The following PIK3CB variants were observed in gnomAD, a reference collection of about 807,000 sequenced individuals.
PIK3CB encodes the protein phosphatidylinositol-4,5-bisphosphate 3-kinase catalytic subunit beta, also known as phosphatidylinositol 4,5-bisphosphate 3-kinase catalytic subunit beta isoform.
PIK3CB carries 39 observed loss-of-function variants against 136.8 expected under a neutral mutation model. The ratio of observed to expected loss-of-function variants is 0.29; its 90% CI spans 0.22 to 0.37. PIK3CB has a LOEUF of 0.37. Among genes scored for constraint, PIK3CB ranks in the 10% least tolerant of loss-of-function variants. The probability of loss-of-function intolerance (pLI) is 1.00; values close to 1 mark genes in which losing one functional copy is unlikely to be tolerated. For missense variants in PIK3CB, 868 were observed against 1,275.4 expected, an observed-to-expected ratio of 0.68 and a Z score of 4.87; for synonymous variants, 428 against 436.6, an observed-to-expected ratio of 0.98 and a Z score of 0.25.
intron 10 of PIK3CB, chr3:138,707,530 C>T: frequency 8.0e-7 from 1 of 1,248,346 alleles, no homozygotes; most frequent in Non-Finnish European, 1.0e-6. Flanking sequence ...ACTACTTTAC[C>T]TCTTAATTCA....
At chr3:138,757,539 G>T (rs1427132781) in intron 3 of PIK3CB, among the ~76,000 whole-genome samples, 1 of 141,194 alleles carries the variant, frequency 7.1e-6, no homozygotes, top group Non-Finnish European at 1.5e-5. Flanking sequence ...TGGCAAACAA[G>T]ATCGTATCTC....
chr3:138,742,300 C>T (rs1186839344), intron 5 of PIK3CB, among the ~76,000 whole-genome samples: 1 of 152,106 alleles, frequency 6.6e-6, no homozygotes. Flanking sequence ...CCCTTTAAAA[C>T]TGTAAAAACC....
rs1172688851 is a variant in PIK3CB, at chr3:138,759,295, T to C, written c.49A>G (p.Ile17Val). 1 of 1,612,278 alleles carries C rather than the reference T, an allele frequency of 6.2e-7. No homozygotes were observed. The highest frequency in any genetic ancestry group is 8.5e-7 in the Non-Finnish European group (1 of 1,178,568). ...GCTATCTGTGAATCCACCGCCCAGA[T>C]GTCAAGGATGTCTGCCATAGCAGGA... ...MPPAMADILD[I>V]WAVDSQIASD... is the part of the protein sequence containing the mutation. The change falls in exon 3 of 24, where the codon ATC becomes GTC. Residue 17 changes from isoleucine (I) to valine (V), a missense_variant. Ile to Val is a conservative substitution (Grantham distance 29). Coordinates refer to ENST00000674063, the MANE Select transcript of PIK3CB (RefSeq NM_006219.3).
intron 1 of PIK3CB, among the ~76,000 whole-genome samples, chr3:138,821,777 T>C (rs1933572907): frequency 1.3e-5 from 2 of 151,692 alleles, no homozygotes. Flanking sequence ...AGAGTAAGAC[T>C]CCATTTCAAA....
intron 9 of PIK3CB, among the ~76,000 whole-genome samples, chr3:138,713,673 A>G (rs1195502580): frequency 6.6e-6 from 1 of 152,160 alleles, no homozygotes; most frequent in Non-Finnish European, 1.5e-5. Context: ...TCTGTCTCAA[A>G]AGAAAAAAAG....
chr3:138,715,253 G>A (rs776527020), intron 8 of PIK3CB, among the ~76,000 whole-genome samples: 15 of 152,134 alleles, frequency 9.9e-5, no homozygotes, highest in Non-Finnish European at 1.8e-4. Flanking sequence ...TATATATCAC[G>A]GTCCTTTGTT....
In PIK3CB at chr3:138,683,742, C is replaced by G. The variant is rs1213379067; in HGVS notation, c.2361G>C (p.Trp787Cys). The change falls in exon 18 of 24, where the codon TGG (tryptophan) becomes TGC (cysteine). Residue 787 changes from tryptophan (W) to cysteine (C), a missense_variant. Around this residue, in one of 4 missense-constraint regions of PIK3CB, gnomAD observed 165 missense variants for 295.4 expected, o/e 0.56. Coordinates refer to ENST00000674063, the MANE Select transcript of PIK3CB (RefSeq NM_006219.3). The stretch of plus-strand genomic sequence containing the variant: ...CAAATACCTTGTTATTGTATACCAG[C>G]CACAAAGGCTTCATTTTGGAATCCA... ...KYMDSKMKPLWLVYNNKVFGE... is the reference protein window; with the variant it reads ...KYMDSKMKPLCLVYNNKVFGE... 4 of 1,609,482 alleles carry G rather than the reference C, an allele frequency of 2.5e-6. No homozygotes were observed. In the African/African-American group the frequency reaches 4.0e-5, roughly 16 times the overall value.
chr3:138,822,966 A>G (rs1933628634), intron 1 of PIK3CB, among the ~76,000 whole-genome samples: 1 of 143,702 alleles, frequency 7.0e-6, no homozygotes, highest in Admixed American at 7.2e-5. Context: ...ATATATATAT[A>G]TATATTTGCA....
At chr3:138,820,702 C>T (rs1576432265) in intron 1 of PIK3CB, among the ~76,000 whole-genome samples, 1 of 152,132 alleles carries the variant, frequency 6.6e-6, no homozygotes, top group East Asian at 1.9e-4. Context: ...CCATGTTGGC[C>T]AGGCTAGTCT....
At chr3:138,699,326 T>C (rs1421556333) in intron 12 of PIK3CB, among the ~76,000 whole-genome samples, 2 of 151,630 alleles carry the variant, frequency 1.3e-5, no homozygotes, top group East Asian at 3.9e-4. Flanking sequence ...GTGCAAACAC[T>C]GGGTGGCAGT....
At chr3:138,683,571 G>A in intron 18 of PIK3CB, 107 bp downstream of exon 18, 2 of 667,860 alleles carry the variant, frequency 3.0e-6, no homozygotes, top group South Asian at 3.6e-5. Flanking sequence ...TACCTTCCTG[G>A]CTGCAAATTG....
chr3:138,724,653 CA>C (rs1269416277), intron 8 of PIK3CB, among the ~76,000 whole-genome samples: 1 of 152,082 alleles, frequency 6.6e-6, no homozygotes, highest in African/African-American at 2.4e-5. Flanking sequence ...TGTCAGCATA[CA>C]AAAAGACACT....
intron 3 of PIK3CB, 60 bp downstream of exon 3, chr3:138,759,110 AATG>A: frequency 8.1e-6 from 8 of 984,672 alleles, no homozygotes; most frequent in South Asian, 2.2e-5. Context: ...TCTATTATAG[AATG>A]ATATTTCCCC....
chr3:138,777,045 G>A (rs1404913891), intron 2 of PIK3CB, among the ~76,000 whole-genome samples: 1 of 151,998 alleles, frequency 6.6e-6, no homozygotes, highest in Admixed American at 6.6e-5. Context: ...TTTAAAACAT[G>A]GCCACAAAAT....
chr3:138,810,945 C>T (rs918597832), intron 1 of PIK3CB, among the ~76,000 whole-genome samples: 2 of 148,750 alleles, frequency 1.3e-5, no homozygotes, highest in Admixed American at 6.7e-5. Flanking sequence ...AAATAAATGT[C>T]GGCCGGGCGC....
intron 2 of PIK3CB, among the ~76,000 whole-genome samples, chr3:138,763,792 G>A (rs2045692954): frequency 6.6e-6 from 1 of 152,104 alleles, no homozygotes; most frequent in Non-Finnish European, 1.5e-5. Context: ...AGCCATTAGA[G>A]AAAATGCATT....
chr3:138,659,349 AT>A (rs1282264699), intron 21 of PIK3CB, among the ~76,000 whole-genome samples: 1 of 152,112 alleles, frequency 6.6e-6, no homozygotes, highest in African/African-American at 2.4e-5. Flanking sequence ...AAATGTCTTC[AT>A]TCTACCCTTT....
At chr3:138,701,994 A>G (rs1412002725) in intron 12 of PIK3CB, among the ~76,000 whole-genome samples, 1 of 151,172 alleles carries the variant, frequency 6.6e-6, no homozygotes, top group Non-Finnish European at 1.5e-5. Flanking sequence ...AGGGGGAGAT[A>G]TTTACATATA....
At chr3:138,759,124 C>G (rs374052425) in intron 3 of PIK3CB, 49 bp downstream of exon 3, 56 of 1,113,516 alleles carry the variant, frequency 5.0e-5, no homozygotes, top group Non-Finnish European at 7.2e-5. Context: ...ATATTTCCCC[C>G]AAGTGACACA....
Sources: allele counts gnomAD v4.1 joint callset (sites outside exome capture counted in the v4.1 genomes callset), GRCh38; gene constraint gnomAD v4.1.1; regional missense constraint gnomAD v4.1.1; transcripts MANE v1.5; gene names NCBI Gene and HGNC (gene_info 2026-07-23, HGNC 2026-07-21).